The following VPS41 variants were observed in gnomAD, a reference collection of about 807,000 sequenced individuals.
The protein encoded by VPS41 is VPS41 subunit of HOPS complex, also known as vacuolar protein sorting-associated protein 41 homolog.
In VPS41, 85 loss-of-function variants were observed where a neutral mutation model predicts 130.9. The ratio of observed to expected loss-of-function variants is 0.65; its 90% CI spans 0.55 to 0.78. The LOEUF is 0.78. VPS41 is among the 30% of genes least tolerant of loss of function. The probability of loss-of-function intolerance (pLI) is 0.00; values close to 1 mark genes in which losing one functional copy is unlikely to be tolerated. For synonymous variants in VPS41, 335 were observed against 332.9 expected (o/e 1.01, Z -0.07); for missense variants, 874 against 1,018.7 (o/e 0.86, Z 1.93).
chr7:38,815,238 A>G (rs1562596332), intron 7 of VPS41, among the ~76,000 whole-genome samples: 1 of 152,116 alleles, frequency 6.6e-6, no homozygotes, highest in Non-Finnish European at 1.5e-5. Context: ...AGCCTGGCCA[A>G]CATGGTAAAA....
At chr7:38,785,070 G>A (rs1784416570) in intron 10 of VPS41, among the ~76,000 whole-genome samples, 1 of 152,100 alleles carries the variant, frequency 6.6e-6, no homozygotes, top group Non-Finnish European at 1.5e-5. Context: ...TGCATTGAGG[G>A]CCCTTTATGA....
At chr7:38,819,287 T>C (rs547949095) in intron 6 of VPS41, among the ~76,000 whole-genome samples, 113 of 152,350 alleles carry the variant, frequency 7.4e-4, no homozygotes, top group Middle Eastern at 6.8e-3. Context: ...TCTTCCAAGA[T>C]TATCTTCCCT....
At chr7:38,771,510 C>T (rs1020697191) in intron 13 of VPS41, among the ~76,000 whole-genome samples, 5 of 152,108 alleles carry the variant, frequency 3.3e-5, no homozygotes, top group African/African-American at 1.2e-4. Context: ...AAGACTTCTC[C>T]CACTTCCATT....
intron 4 of VPS41, among the ~76,000 whole-genome samples, chr7:38,847,429 G>C (rs3801128): frequency 0.21 from 32,465 of 152,052 alleles, 4,461 homozygotes; most frequent in Non-Finnish European, 0.31. Context: ...AGAGTGTAAT[G>C]AATTTTTTTT....
chr7:38,776,020 A>C (rs1300115060), intron 11 of VPS41, among the ~76,000 whole-genome samples: 2 of 152,156 alleles, frequency 1.3e-5, no homozygotes, highest in African/African-American at 4.8e-5. Context: ...AATAAAGACA[A>C]GCTGGGAATG....
At chr7:38,784,799 A>C (rs1194077846) in intron 10 of VPS41, among the ~76,000 whole-genome samples, 2 of 152,106 alleles carry the variant, frequency 1.3e-5, no homozygotes, top group Non-Finnish European at 2.9e-5. Flanking sequence ...CCTCTCTTGA[A>C]TTTGCAGTGC....
At chr7:38,811,389 T>C (rs36121032) in intron 7 of VPS41, among the ~76,000 whole-genome samples, 9,793 of 152,070 alleles carry the variant, frequency 0.064, 467 homozygotes, top group South Asian at 0.13. Context: ...ATGGTACTTT[T>C]TAGTACTTAG....
intron 25 of VPS41, among the ~76,000 whole-genome samples, chr7:38,739,900 T>A (rs892195291): frequency 6.6e-6 from 1 of 152,270 alleles, no homozygotes; most frequent in Non-Finnish European, 1.5e-5. Flanking sequence ...CTTTAGTAGA[T>A]ATTTTTATGT....
chr7:38,876,908 G>A (rs1786503950), intron 2 of VPS41, among the ~76,000 whole-genome samples: 1 of 151,188 alleles, frequency 6.6e-6, no homozygotes, highest in East Asian at 2.0e-4. Context: ...TATTGGGAAA[G>A]CGATAAGAAT....
chr7:38,802,552 T>C (rs929786258), intron 7 of VPS41, among the ~76,000 whole-genome samples: 5 of 152,210 alleles, frequency 3.3e-5, no homozygotes, highest in Admixed American at 2.6e-4. Context: ...CCACTCTCCA[T>C]TGGCTTTTTT....
intron 23 of VPS41, among the ~76,000 whole-genome samples, chr7:38,744,402 G>A (rs1795945878): frequency 6.6e-6 from 1 of 152,036 alleles, no homozygotes; most frequent in Non-Finnish European, 1.5e-5. Context: ...GATAAAAGCT[G>A]GCTTGTGAAT....
intron 22 of VPS41, among the ~76,000 whole-genome samples, chr7:38,751,906 T>C (rs1783682509): frequency 6.6e-6 from 1 of 152,216 alleles, no homozygotes; most frequent in South Asian, 2.1e-4. Context: ...TTTTGCCTGA[T>C]GGTTGATTAA....
intron 1 of VPS41, among the ~76,000 whole-genome samples, chr7:38,902,451 T>C (rs369885082): frequency 1.6e-4 from 25 of 152,338 alleles, no homozygotes; most frequent in South Asian, 6.2e-4. Flanking sequence ...TGCAGGTGTT[T>C]TGTTTGGCCT....
intron 5 of VPS41, among the ~76,000 whole-genome samples, chr7:38,829,742 T>C (rs942808811): frequency 3.9e-5 from 6 of 152,226 alleles, no homozygotes; most frequent in African/African-American, 1.4e-4. Context: ...TGTACATATA[T>C]TGATTTTACA....
intron 4 of VPS41, among the ~76,000 whole-genome samples, chr7:38,849,975 A>T (rs1018846837): frequency 3.3e-5 from 5 of 152,220 alleles, no homozygotes; most frequent in African/African-American, 1.2e-4. Flanking sequence ...TAGAAGACAC[A>T]AAACACACAA....
chr7:38,767,003 G>T (rs1451792412), intron 15 of VPS41, among the ~76,000 whole-genome samples: 2 of 152,108 alleles, frequency 1.3e-5, no homozygotes, highest in African/African-American at 2.4e-5. Flanking sequence ...TAAGCTCAGG[G>T]GTCCTCTTCC....
At chr7:38,869,396 C>A in intron 2 of VPS41, 143 bp from the exon 3 acceptor site, 1 of 584,818 alleles carries the variant, frequency 1.7e-6, no homozygotes, top group South Asian at 2.4e-5. Flanking sequence ...TTAAAATCTT[C>A]ATATTTCATC....
At chr7:38,850,984 A>G (rs969416852) in intron 4 of VPS41, among the ~76,000 whole-genome samples, 4 of 152,212 alleles carry the variant, frequency 2.6e-5, no homozygotes, top group Non-Finnish European at 4.4e-5. Context: ...GCAATCTGCA[A>G]TAGAACCCTA....
intron 7 of VPS41, among the ~76,000 whole-genome samples, chr7:38,798,367 A>G (rs577272953): frequency 7.9e-5 from 12 of 152,260 alleles, no homozygotes; most frequent in African/African-American, 2.6e-4. Flanking sequence ...ATCTCAGCTC[A>G]CTGCAACCTC....
Sources: gnomAD v4.1 joint callset for allele counts (sites outside exome capture counted in the v4.1 genomes callset) on GRCh38, gnomAD v4.1.1 for gene constraint, MANE v1.5 for transcripts, NCBI Gene and HGNC (gene_info 2026-07-23, HGNC 2026-07-21) for gene names.